The following PSD2 variants were observed in gnomAD, a reference collection of about 807,000 sequenced individuals.
PSD2 encodes pleckstrin and Sec7 domain containing 2, also known as PH and SEC7 domain-containing protein 2.
PSD2 carries 38 observed loss-of-function variants against 69.8 expected under a neutral mutation model. The ratio of observed to expected loss-of-function variants is 0.54; its 90% confidence interval spans 0.42 to 0.71. The LOEUF is 0.71. PSD2 is among the 30% of genes least tolerant of loss of function. PSD2 has a pLI of 0.00. For missense variants in PSD2, 943 were observed against 1,014.5 expected (o/e 0.93, Z 0.96); for synonymous variants, 412 against 423.0 (o/e 0.97, Z 0.32).
At chr5:139,836,594 A>ATCAGAGG (rs966095611) in intron 9 of PSD2, among the ~76,000 whole-genome samples, 1 of 152,178 alleles carries the variant, frequency 6.6e-6, no homozygotes. Context: ...AAAATCAAAG[A>ATCAGAGG]TCAGAGGTCA....
intron 1 of PSD2, among the ~76,000 whole-genome samples, chr5:139,797,208 C>G (rs1305048815): frequency 1.3e-5 from 2 of 152,238 alleles, no homozygotes; most frequent in Non-Finnish European, 2.9e-5. Context: ...GTCCTCCCAG[C>G]AGCCCCTTTC....
chr5:139,751,476 C>T, the PSD2 span, among the ~76,000 whole-genome samples: 136 of 152,296 alleles, frequency 8.9e-4, 1 homozygote, highest in African/African-American at 3.1e-3. Context: ...CCTCCCACCC[C>T]CTTCAAGTGT....
At chr5:139,760,540 C>T in the PSD2 span, among the ~76,000 whole-genome samples, 179 of 152,296 alleles carry the variant, frequency 1.2e-3, 1 homozygote, top group African/African-American at 3.9e-3. Context: ...GGTTGTGCCG[C>T]CAGGAGAGTC....
intron 1 of PSD2, among the ~76,000 whole-genome samples, chr5:139,807,332 T>A (rs1394326708): frequency 6.6e-6 from 1 of 152,050 alleles, no homozygotes; most frequent in Non-Finnish European, 1.5e-5. Context: ...AGCCCCCACT[T>A]CTTTTTCCTT....
At chr5:139,798,712 C>T (rs1422624922) in intron 1 of PSD2, among the ~76,000 whole-genome samples, 1 of 152,182 alleles carries the variant, frequency 6.6e-6, no homozygotes, top group Non-Finnish European at 1.5e-5. Flanking sequence ...AACATTATAA[C>T]ACTTCACCTC....
the PSD2 span, among the ~76,000 whole-genome samples, chr5:139,745,737 C>G: frequency 6.6e-6 from 1 of 152,210 alleles, no homozygotes; most frequent in Non-Finnish European, 1.5e-5. Context: ...CCCGAGGCCC[C>G]CGCCTGGGGG....
upstream of PSD2, among the ~76,000 whole-genome samples, chr5:139,793,066 G>A (rs1263321972): frequency 8.6e-5 from 13 of 151,962 alleles, no homozygotes; most frequent in East Asian, 1.9e-4. Flanking sequence ...TCTTGCCTCC[G>A]GAGTAGCTGG....
the PSD2 span, among the ~76,000 whole-genome samples, chr5:139,759,479 G>A: frequency 1.3e-5 from 2 of 152,126 alleles, no homozygotes; most frequent in Non-Finnish European, 2.9e-5. Flanking sequence ...GGAGCTGGCT[G>A]TCCCCCGCCC....
intron 7 of PSD2, among the ~76,000 whole-genome samples, chr5:139,826,328 T>C (rs550883817): frequency 8.9e-4 from 136 of 152,242 alleles, no homozygotes; most frequent in Non-Finnish European, 1.5e-3. Flanking sequence ...CAGCCCAACC[T>C]TGTGCATGTG....
In PSD2 at chr5:139,844,405, C is replaced by T. The variant is rs942512188; in HGVS notation, c.*1931C>T. 3.9e-4 allele frequency: 60 copies of T among 152,258 alleles called. No homozygotes were observed. The highest frequency in any genetic ancestry group is 1.4e-3 in the African/African-American group (57 of 41,540). 9.4% of individuals were successfully genotyped at this position (152,258 alleles called of 1,614,324 possible). On this transcript the variant is annotated 3_prime_UTR_variant, in exon 15 of 15. Transcript: ENST00000274710. ...CTAAAATATTATGTACATTATAAAA[C>T]ATACACAAAAATAGAAATTTAAAAA...
intron 1 of PSD2, among the ~76,000 whole-genome samples, chr5:139,804,352 A>G (rs1362109897): frequency 6.6e-6 from 1 of 152,132 alleles, no homozygotes; most frequent in African/African-American, 2.4e-5. Context: ...CAAGTATCCA[A>G]TGTTGGTTGG....
intron 3 of PSD2, among the ~76,000 whole-genome samples, 177 bp downstream of exon 3, chr5:139,813,935 C>G (rs1760047181): frequency 1.3e-5 from 2 of 152,236 alleles, no homozygotes; most frequent in Admixed American, 1.3e-4. Flanking sequence ...TCATTCTGCT[C>G]TTCCAGGCCT....
the PSD2 span, among the ~76,000 whole-genome samples, chr5:139,753,589 A>G: frequency 1.3e-5 from 2 of 152,298 alleles, no homozygotes; most frequent in South Asian, 4.1e-4. Flanking sequence ...GCCATGGCCC[A>G]TGAACTCAGC....
the PSD2 span, among the ~76,000 whole-genome samples, chr5:139,752,569 C>T: frequency 6.6e-6 from 1 of 152,188 alleles, no homozygotes; most frequent in Non-Finnish European, 1.5e-5. Flanking sequence ...GACAAACACA[C>T]AAGGACATTG....
chr5:139,795,040 G>A (rs536317491), upstream of PSD2, among the ~76,000 whole-genome samples: 1 of 152,118 alleles, frequency 6.6e-6, no homozygotes, highest in Non-Finnish European at 1.5e-5. The surrounding 1 kb of genome is among the most constrained non-coding windows in gnomAD (Gnocchi z 4.5). Context: ...GTCTCTCTCT[G>A]TCTCCTTATA....
At chr5:139,747,459 G>A in the PSD2 span, among the ~76,000 whole-genome samples, 8 of 152,230 alleles carry the variant, frequency 5.3e-5, no homozygotes, top group Non-Finnish European at 1.0e-4. This position sits in a 1 kb window ranked among gnomAD's most constrained non-coding sequence, Gnocchi z 6.7. Flanking sequence ...GACCGGGCGG[G>A]GGCTGGGGGC....
At position 139,833,609 on chromosome 5, in the gene PSD2, C is replaced by T. The variant is rs868389333; in HGVS notation, c.1270-93C>T. 140 of 839,760 alleles carry T rather than the reference C, an allele frequency of 1.7e-4. 2 individuals are homozygous for T. The highest frequency in any genetic ancestry group is 1.6e-3 in the African/African-American group (94 of 60,260). 52.0% of individuals were successfully genotyped at this position (839,760 alleles called of 1,614,324 possible). A position where few individuals can be genotyped will look rare whatever the true frequency, so the allele number is the denominator to read the frequency against. On this transcript the variant is annotated intron_variant, in intron 7 of 14. Transcript: ENST00000274710. The stretch of plus-strand genomic sequence containing the variant: ...TTAATTTTCATTATTGCCCTTAATG[C>T]TGCCTCATCCCTCTGGCTGGGCAGG...
At chr5:139,788,334 C>T in the PSD2 span, among the ~76,000 whole-genome samples, 1 of 152,240 alleles carries the variant, frequency 6.6e-6, no homozygotes. Context: ...CTCTCCCCGC[C>T]CAGCTTCTTG....
Position 139,837,899 on chromosome 5 carries a change from A to C in PSD2, c.1823+117A>C. ...CAGAGCATGTGTATCCACATGACAC[A>C]GACCGACAGCTGGGTCCCTCCAAAG... On this transcript the variant is annotated intron_variant, in intron 12 of 14. Transcript: ENST00000274710. This position sits in a 1 kb window ranked among gnomAD's most constrained non-coding sequence, Gnocchi z 5.0. 1.0e-6 allele frequency: 1 copy of C among 989,602 alleles called. No homozygotes were observed. Among genetic ancestry groups the C allele is most frequent in the Non-Finnish European group, 1.5e-6 (1 of 680,292 alleles). 61.3% of individuals were successfully genotyped at this position (989,602 alleles called of 1,614,324 possible). A position where few individuals can be genotyped will look rare whatever the true frequency, so the allele number is the denominator to read the frequency against.
Sources: gnomAD v4.1 joint callset for allele counts (sites outside exome capture counted in the v4.1 genomes callset) on GRCh38, gnomAD v4.1.1 for gene constraint, Gnocchi (gnomAD v3.1) non-coding constraint, MANE v1.5 for transcripts, NCBI Gene and HGNC (gene_info 2026-07-23, HGNC 2026-07-21) for gene names.